The following IFT88 variants were observed in gnomAD, a reference collection of about 807,000 sequenced individuals.
IFT88 encodes the protein intraflagellar transport 88.
IFT88 carries 74 observed loss-of-function variants against 119.5 expected under a neutral mutation model. The observed-to-expected ratio is 0.62, with a 90% CI of 0.51 to 0.75. IFT88 has a LOEUF of 0.75. Among genes scored for constraint, IFT88 ranks in the 30% least tolerant of loss-of-function variants. The pLI is 0.00. For synonymous variants in IFT88, 279 were observed against 316.7 expected (o/e 0.88, Z 1.26); for missense variants, 961 against 977.7 (o/e 0.98, Z 0.23).
intron 14 of IFT88, 117 bp from the exon 15 acceptor site, chr13:20,625,633 C>A (rs375000835): frequency 8.2e-5 from 51 of 621,538 alleles, no homozygotes; most frequent in African/African-American, 7.4e-4. Flanking sequence ...GAGTGCTTAC[C>A]TTTACAGAGT....
At chr13:20,613,750 A>G (rs2045072860) in intron 13 of IFT88, among the ~76,000 whole-genome samples, 1 of 152,130 alleles carries the variant, frequency 6.6e-6, no homozygotes, top group Non-Finnish European at 1.5e-5. Context: ...CAGCCATACA[A>G]AGGAATGAAG....
intron 1 of IFT88, among the ~76,000 whole-genome samples, chr13:20,572,365 T>G (rs2036538301): frequency 6.6e-6 from 1 of 152,026 alleles, no homozygotes; most frequent in African/African-American, 2.4e-5. Context: ...ATTACAGATG[T>G]GCACCACCAT....
At chr13:20,603,550 G>A (rs1316358337) in intron 12 of IFT88, among the ~76,000 whole-genome samples, 2 of 152,102 alleles carry the variant, frequency 1.3e-5, no homozygotes, top group Non-Finnish European at 2.9e-5. Flanking sequence ...CAGGGTTAAG[G>A]TGAGGATTAT....
chr13:20,682,141 A>G lies in IFT88; in HGVS notation c.2243-8564A>G, dbSNP rs187082660. Among the ~76,000 whole-genome samples, 115 of 152,348 alleles carry G rather than the reference A, an allele frequency of 7.5e-4. 2 individuals carry two copies. The South Asian group carries it at 0.02, about 27-fold the overall frequency. On this transcript the variant is annotated intron_variant, in intron 24 of 25. Transcript: ENST00000351808. ...TCCAGGGTCATATGCATGCAATTTAACAGTTTGGGTTCTCCCATTTCCTAC... is the reference window on the plus strand; with the variant it reads ...TCCAGGGTCATATGCATGCAATTTAGCAGTTTGGGTTCTCCCATTTCCTAC...
At chr13:20,658,775 C>T (rs2053299049) in intron 22 of IFT88, among the ~76,000 whole-genome samples, 1 of 152,190 alleles carries the variant, frequency 6.6e-6, no homozygotes, top group Non-Finnish European at 1.5e-5. Context: ...TAGACATTGC[C>T]AGTGTCCCTT....
chr13:20,608,172 C>T (rs914436793), intron 13 of IFT88: 41 of 332,794 alleles, frequency 1.2e-4, no homozygotes, highest in Non-Finnish European at 2.3e-4. Flanking sequence ...GAGGACAGGA[C>T]CAGACTGTTC....
rs779659140 is a variant in IFT88 at position 20,644,857 on chromosome 13, T to A, written c.1848T>A (p.Phe616Leu). The A allele has an allele frequency of 6.4e-7, 1 of 1,554,214 alleles. No individual in the cohort carries two copies. Among genetic ancestry groups the A allele is most frequent in the Non-Finnish European group, 8.8e-7 (1 of 1,131,372 alleles). Residue 616 changes from phenylalanine (F) to leucine (L), a missense_variant, in exon 20 of 26, where the codon TTT (phenylalanine) becomes TTA (leucine). Transcript: ENST00000351808. ...TTGTTTTACAGTCATATAGGTATTT[T>A]CCTTGTAATATTGAAGTCATTGAGT... ...FQYYYESYRY[F>L]PCNIEVIEWL...
chr13:20,614,562 G>A (rs2045257362), intron 13 of IFT88: 1 of 152,170 alleles, frequency 6.6e-6, no homozygotes, highest in South Asian at 2.1e-4. Context: ...TAGGAGAGAT[G>A]AAGAAGGGGT....
At chr13:20,613,139 A>T (rs1294760069) in intron 13 of IFT88, among the ~76,000 whole-genome samples, 1 of 152,226 alleles carries the variant, frequency 6.6e-6, no homozygotes, top group Non-Finnish European at 1.5e-5. Flanking sequence ...CGCTATCCAG[A>T]GAGTGAAAAA....
Position 20,605,075 on chromosome 13 carries a change from A to G in IFT88, c.1082A>G (p.Asn361Ser). ...AACTTAGTAACTGAAGCTATAAAAA[A>G]TGATCACCTCAGGCAAATGGAACGT... ...HTNLVTEAIK[N>S]DHLRQMERER... Residue 361 changes from asparagine (N) to serine (S), a missense_variant, in exon 13 of 26, where the codon AAT becomes AGT. Asn to Ser is a conservative substitution (Grantham distance 46). Transcript: ENST00000351808. 1 of 1,511,520 alleles carries G rather than the reference A, an allele frequency of 6.6e-7. No individual in the cohort carries two copies. Among genetic ancestry groups the G allele is most frequent in the Non-Finnish European group, 9.2e-7 (1 of 1,089,858 alleles). 93.6% of individuals were successfully genotyped at this position (1,511,520 alleles called of 1,614,324 possible).
chr13:20,653,725 G>C (rs1290391394), intron 20 of IFT88, 151 bp from the exon 21 acceptor site: 1 of 451,250 alleles, frequency 2.2e-6, no homozygotes, highest in African/African-American at 2.0e-5. Context: ...AAGCAATACT[G>C]AGGGAAATTA....
intron 12 of IFT88, among the ~76,000 whole-genome samples, chr13:20,604,219 A>T (rs1293051454): frequency 6.6e-6 from 1 of 152,200 alleles, no homozygotes; most frequent in Non-Finnish European, 1.5e-5. Flanking sequence ...CAGTCTGGGC[A>T]ACAGAGCAAG....
intron 7 of IFT88, among the ~76,000 whole-genome samples, chr13:20,594,282 A>G (rs1032579428): frequency 5.3e-5 from 8 of 152,092 alleles, no homozygotes; most frequent in Non-Finnish European, 1.0e-4. Flanking sequence ...CATGTAACTG[A>G]TATAGTCTAG....
chr13:20,607,969 C>A lies in IFT88; in HGVS notation c.1112+2864C>A, dbSNP rs536749268. ...AAACCAGCAAGTCAGGAAGCACCTC[C>A]TCCTGGCACCACAGTGGACCTGAGC... On this transcript the variant is annotated intron_variant, in intron 13 of 25. Transcript: ENST00000351808. 2.1e-5 allele frequency: 13 copies of A among 609,204 alleles called. No homozygotes were observed. The East Asian group carries it at 4.1e-4, about 19-fold the overall frequency. The allele number at this position is 609,204 out of a possible 1,614,324, so 37.7% of individuals were successfully genotyped here.
At chr13:20,595,918 G>A (rs1334404113) in intron 7 of IFT88, among the ~76,000 whole-genome samples, 2 of 151,956 alleles carry the variant, frequency 1.3e-5, no homozygotes, top group African/African-American at 4.8e-5. Context: ...ATGGTGGCAT[G>A]CACCTGTAGT....
chr13:20,653,884 A>G lies in IFT88; in HGVS notation c.1958A>G (p.Gln653Arg). ...ATTTATTTATTTTATAGGCCTACAC[A>G]AGTGAAATGGCAGCTGATGGTAGCT... ...FERASLIQPT[Q>R]VKWQLMVASC... is the part of the protein sequence containing the mutation. The change falls in exon 21 of 26, where the codon CAA becomes CGA. Residue 653 changes from glutamine to arginine, a missense_variant. Physicochemically the swap from Gln to Arg is conservative, Grantham distance 43. Transcript: ENST00000351808. 1 of 1,577,766 alleles carries G rather than the reference A, an allele frequency of 6.3e-7. No individual in the cohort carries two copies. Among genetic ancestry groups the G allele is most frequent in the Non-Finnish European group, 8.6e-7 (1 of 1,159,218 alleles).
chr13:20,686,786 A>T (rs552724639), intron 24 of IFT88, among the ~76,000 whole-genome samples: 28 of 152,222 alleles, frequency 1.8e-4, no homozygotes, highest in African/African-American at 6.5e-4. Flanking sequence ...ATTCTTTCTA[A>T]ATTAGTAAAG....
chr13:20,621,908 C>G (rs2046581780), intron 14 of IFT88, among the ~76,000 whole-genome samples: 2 of 152,168 alleles, frequency 1.3e-5, no homozygotes, highest in Non-Finnish European at 1.5e-5. Context: ...CCTCCCTCTC[C>G]CAAACCCTTA....
At chr13:20,634,036 A>G (rs1289850230) in intron 16 of IFT88, among the ~76,000 whole-genome samples, 1 of 152,120 alleles carries the variant, frequency 6.6e-6, no homozygotes, top group Non-Finnish European at 1.5e-5. Flanking sequence ...TTCCTACCTC[A>G]TGCCTGTCAC....
Sources: gnomAD v4.1 joint callset for allele counts (sites outside exome capture counted in the v4.1 genomes callset) on GRCh38, gnomAD v4.1.1 for gene constraint, MANE v1.5 for transcripts, NCBI Gene and HGNC (gene_info 2026-07-23, HGNC 2026-07-21) for gene names.